The following PDZD2 variants were observed in gnomAD, a reference collection of about 807,000 sequenced individuals.
PDZD2 encodes the protein PDZ domain-containing protein 2.
In PDZD2, 90 loss-of-function variants were observed where a neutral mutation model predicts 220.7. The ratio of observed to expected loss-of-function variants is 0.41; its 90% CI spans 0.34 to 0.49. The LOEUF is 0.49. Among genes scored for constraint, PDZD2 ranks in the 20% least tolerant of loss-of-function variants. The pLI is 0.28. For synonymous variants in PDZD2, 1,375 were observed against 1,450.5 expected, an observed-to-expected ratio of 0.95 and a Z score of 1.18; for missense variants, 3,174 against 3,608.5, an observed-to-expected ratio of 0.88 and a Z score of 3.08.
At chr5:31,919,959 G>T (rs1428752791) in intron 2 of PDZD2, among the ~76,000 whole-genome samples, 1 of 152,016 alleles carries the variant, frequency 6.6e-6, no homozygotes, top group Non-Finnish European at 1.5e-5. Flanking sequence ...CTTTGAGGCT[G>T]CAGTGAGCTA....
chr5:31,793,652 C>CA (rs1753844264), intron 1 of PDZD2, among the ~76,000 whole-genome samples: 1 of 152,214 alleles, frequency 6.6e-6, no homozygotes, highest in Non-Finnish European at 1.5e-5. Context: ...ACTAAAAATA[C>CA]AAAAAATTAG....
At chr5:31,920,277 C>T (rs1001158540) in intron 2 of PDZD2, among the ~76,000 whole-genome samples, 4 of 143,336 alleles carry the variant, frequency 2.8e-5, no homozygotes, top group Admixed American at 1.4e-4. Flanking sequence ...GAGTGAGACC[C>T]GGTTTCAAAA....
At chr5:31,936,575 A>AAG (rs1048690759) in intron 2 of PDZD2, among the ~76,000 whole-genome samples, 1 of 152,130 alleles carries the variant, frequency 6.6e-6, no homozygotes. Flanking sequence ...TTAAAAAAAA[A>AAG]AAAAGAAAAA....
intron 1 of PDZD2, among the ~76,000 whole-genome samples, chr5:31,676,440 G>A (rs1469145549): frequency 6.6e-6 from 1 of 151,084 alleles, no homozygotes; most frequent in East Asian, 1.9e-4. Context: ...ACTTGAAATA[G>A]ACTTGAAGGC....
chr5:31,661,168 A>G (rs1745747148), intron 1 of PDZD2, among the ~76,000 whole-genome samples: 1 of 152,232 alleles, frequency 6.6e-6, no homozygotes, highest in African/African-American at 2.4e-5. Flanking sequence ...AATTAAATGC[A>G]GGTCCTGGCT....
intron 1 of PDZD2, among the ~76,000 whole-genome samples, chr5:31,686,336 A>G (rs116074463): frequency 0.027 from 4,100 of 151,880 alleles, 91 homozygotes; most frequent in South Asian, 0.074. Context: ...GAATATCTAT[A>G]TACATATTTT....
rs151190211 is a variant in PDZD2 at position 31,908,831 on chromosome 5, G to T, written c.477-74324G>T. ...AGGCTGAGGCGGGAGGATCACTTGAGCTCAGGAGTTTGAGACCAGCCTTGG... is the reference window on the plus strand; with the variant it reads ...AGGCTGAGGCGGGAGGATCACTTGATCTCAGGAGTTTGAGACCAGCCTTGG... On this transcript the variant is annotated intron_variant, in intron 2 of 24. Coordinates refer to ENST00000438447, the MANE Select transcript of PDZD2 (RefSeq NM_178140.4). The T allele has an allele frequency of 1.0e-3, 583 of 574,064 alleles. 3 individuals are homozygous for T. Among genetic ancestry groups the T allele is most frequent in the African/African-American group, 8.9e-3 (475 of 53,164 alleles). 35.6% of individuals were successfully genotyped at this position (574,064 alleles called of 1,614,324 possible). A position where few individuals can be genotyped will look rare whatever the true frequency, so the allele number is the denominator to read the frequency against.
intron 2 of PDZD2, among the ~76,000 whole-genome samples, chr5:31,926,916 C>T (rs748832036): frequency 6.6e-6 from 1 of 152,204 alleles, no homozygotes; most frequent in Non-Finnish European, 1.5e-5. Flanking sequence ...ATGTCTTTTG[C>T]AGCAACATGG....
intron 2 of PDZD2, among the ~76,000 whole-genome samples, chr5:31,838,122 A>T (rs1412057342): frequency 6.6e-6 from 1 of 152,144 alleles, no homozygotes; most frequent in Non-Finnish European, 1.5e-5. Flanking sequence ...CAGTGGCATG[A>T]TCTCAGCTCA....
At chr5:32,030,742 C>A (rs192416219) in intron 6 of PDZD2, among the ~76,000 whole-genome samples, 1 of 152,134 alleles carries the variant, frequency 6.6e-6, no homozygotes, top group African/African-American at 2.4e-5. Context: ...ACTGGCTCTG[C>A]GTTAGCTAAT....
chr5:31,783,909 G>C (rs1320942764), intron 1 of PDZD2, among the ~76,000 whole-genome samples: 2 of 152,176 alleles, frequency 1.3e-5, no homozygotes, highest in Admixed American at 1.3e-4. Context: ...TCTGCAGGGA[G>C]TTTTTGCCGA....
intron 2 of PDZD2, among the ~76,000 whole-genome samples, chr5:31,924,531 C>T (rs890137108): frequency 6.6e-6 from 1 of 152,312 alleles, no homozygotes; most frequent in South Asian, 2.1e-4. Flanking sequence ...CTGGAGTCCT[C>T]ACTGCCTTTA....
chr5:31,866,640 T>A (rs1488820689), intron 2 of PDZD2, among the ~76,000 whole-genome samples: 1 of 152,244 alleles, frequency 6.6e-6, no homozygotes, highest in Non-Finnish European at 1.5e-5. Context: ...CCCTGCCAGC[T>A]GACCTCATGT....
At chr5:31,960,234 T>G (rs1264250611) in intron 2 of PDZD2, among the ~76,000 whole-genome samples, 4 of 151,942 alleles carry the variant, frequency 2.6e-5, no homozygotes, top group Admixed American at 1.3e-4. Flanking sequence ...TTCTTTCTTT[T>G]TGACGAAGTT....
At chr5:31,791,238 T>TTTA (rs1467573004) in intron 1 of PDZD2, among the ~76,000 whole-genome samples, 2 of 152,122 alleles carry the variant, frequency 1.3e-5, no homozygotes, top group African/African-American at 2.4e-5. Context: ...AAAGTGATAG[T>TTTA]TCTCTTTATC....
intron 2 of PDZD2, among the ~76,000 whole-genome samples, chr5:31,876,482 A>G (rs1445879591): frequency 6.6e-6 from 1 of 151,936 alleles, no homozygotes; most frequent in African/African-American, 2.4e-5. Flanking sequence ...TAGTAGAGAC[A>G]GGGTTTCACC....
At chr5:31,704,938 G>C (rs1747750825) in intron 1 of PDZD2, among the ~76,000 whole-genome samples, 1 of 152,106 alleles carries the variant, frequency 6.6e-6, no homozygotes, top group South Asian at 2.1e-4. Context: ...AGGTGGGCGG[G>C]TCATTTGAGG....
Position 31,646,394 on chromosome 5 carries a change from A to T in PDZD2, c.-361+6957A>T, listed in dbSNP as rs1173442159. Among the ~76,000 whole-genome samples, 3 of 152,182 alleles carry T rather than the reference A, an allele frequency of 2.0e-5. 1 individual carries two copies. Among genetic ancestry groups the T allele is most frequent in the Admixed American group, 2.0e-4 (3 of 15,282 alleles). Reference sequence around the variant, plus strand: ...TTCAGGAACCTGACCCCTCCACGTCATGAACACTAAGTAGCTCCTGACACT... The same window carrying T: ...TTCAGGAACCTGACCCCTCCACGTCTTGAACACTAAGTAGCTCCTGACACT... On this transcript the variant is annotated intron_variant, in intron 1 of 24. Coordinates refer to ENST00000438447, the MANE Select transcript of PDZD2 (RefSeq NM_178140.4). The surrounding 1 kb of genome is among the most constrained non-coding windows in gnomAD (Gnocchi z 4.7).
At chr5:32,099,008 A>T (rs1285127888) in intron 23 of PDZD2, among the ~76,000 whole-genome samples, 1 of 152,150 alleles carries the variant, frequency 6.6e-6, no homozygotes, top group Non-Finnish European at 1.5e-5. Flanking sequence ...CAGAACTAAG[A>T]TTTATCCTTG....
Sources: allele counts gnomAD v4.1 joint callset (sites outside exome capture counted in the v4.1 genomes callset), GRCh38; gene constraint gnomAD v4.1.1; non-coding constraint Gnocchi (gnomAD v3.1); transcripts MANE v1.5; gene names NCBI Gene and HGNC (gene_info 2026-07-23, HGNC 2026-07-21).